Variants in SV2B observed in about 807,000 individuals in gnomAD.
SV2B encodes the protein solute carrier family 22 member B2.
Under a neutral mutation model 73.9 loss-of-function variants are expected in SV2B, and 41 were observed. The ratio of observed to expected loss-of-function variants is 0.56; its 90% confidence interval spans 0.43 to 0.72. SV2B has a LOEUF of 0.72. SV2B is among the 30% of genes least tolerant of loss of function. The pLI is 0.00. For missense variants in SV2B, 764 were observed against 857.8 expected (o/e 0.89, Z 1.37); for synonymous variants, 314 against 314.2 (o/e 1.00, Z 0.01).
At chr15:91,166,403 T>G in intron 1 of SV2B, among the ~76,000 whole-genome samples, 1 of 152,040 alleles carries the variant, frequency 6.6e-6, no homozygotes, top group East Asian at 1.9e-4. Context: ...CACAGTTTGA[T>G]TATAATGTGT....
rs1278594667 is a variant in SV2B, at chr15:91,231,684, A to C, written c.451+4970A>C. The stretch of plus-strand genomic sequence containing the variant: ...GAACTGTGGGCTATTCCCTACCTTC[A>C]TGCCTATAATAGTGAGCTTCACTTT... On this transcript the variant is annotated intron_variant, in intron 2 of 12. Transcript: ENST00000394232. The surrounding 1 kb of genome is among the most constrained non-coding windows in gnomAD (Gnocchi z 4.5). 6.6e-6 allele frequency among the ~76,000 whole-genome samples: 1 copy of C among 152,170 alleles called. No homozygotes were observed. Among genetic ancestry groups the C allele is most frequent in the East Asian group, 1.9e-4 (1 of 5,192 alleles).
At chr15:91,266,348 T>C (rs945118607) in intron 6 of SV2B, among the ~76,000 whole-genome samples, 3 of 152,176 alleles carry the variant, frequency 2.0e-5, no homozygotes, top group African/African-American at 7.2e-5. Context: ...ATATCCTCAG[T>C]CCTTTGGCTG....
chr15:91,187,692 C>T (rs1423557042), intron 1 of SV2B, among the ~76,000 whole-genome samples: 1 of 151,378 alleles, frequency 6.6e-6, no homozygotes, highest in Admixed American at 6.6e-5. Flanking sequence ...CAACATATAC[C>T]ATTGTTTTCC....
At chr15:91,156,874 C>A (rs1297013016) in intron 1 of SV2B, among the ~76,000 whole-genome samples, 1 of 152,224 alleles carries the variant, frequency 6.6e-6, no homozygotes, top group Non-Finnish European at 1.5e-5. Context: ...CAATCTACCT[C>A]CTTTTTGTGG....
At chr15:91,152,291 A>C (rs757281996) in intron 1 of SV2B, among the ~76,000 whole-genome samples, 44 of 152,178 alleles carry the variant, frequency 2.9e-4, no homozygotes, top group Non-Finnish European at 3.2e-4. Flanking sequence ...ACTCACAGCT[A>C]TTCTCTATGA....
intron 1 of SV2B, among the ~76,000 whole-genome samples, chr15:91,126,567 A>G (rs566397353): frequency 1.3e-5 from 2 of 152,352 alleles, no homozygotes; most frequent in Admixed American, 1.3e-4. Flanking sequence ...AAAGAAAACT[A>G]TAGACAAATA....
At chr15:91,183,120 A>T (rs553920888) in intron 1 of SV2B, among the ~76,000 whole-genome samples, 3 of 152,234 alleles carry the variant, frequency 2.0e-5, no homozygotes, top group African/African-American at 7.2e-5. Flanking sequence ...AGTGATTAAC[A>T]TGGGGACTTA....
Position 91,227,276 on chromosome 15 carries a change from C to A in SV2B, c.451+562C>A, listed in dbSNP as rs958173278. On this transcript the variant is annotated intron_variant, in intron 2 of 12. Transcript: ENST00000394232. The surrounding 1 kb of genome is among the most constrained non-coding windows in gnomAD (Gnocchi z 4.5). Reference sequence around the variant, plus strand: ...TGGAGTCCCTGCAGGCTGTTGGGAACCATGCTGTGAAGCACAGATGGATTC... The same window carrying A: ...TGGAGTCCCTGCAGGCTGTTGGGAAACATGCTGTGAAGCACAGATGGATTC... Among the ~76,000 whole-genome samples, 11 of 152,136 alleles carry A rather than the reference C, an allele frequency of 7.2e-5. No individual in the cohort carries two copies. Among genetic ancestry groups the A allele is most frequent in the African/African-American group, 2.7e-4 (11 of 41,430 alleles).
At position 91,132,653 on chromosome 15, in the gene SV2B, G is replaced by A. The variant is rs902169972; in HGVS notation, c.-392+32290G>A. ...CCTTTTGATTTAGTTCTAGGAAGTC[G>A]GTATGAAACATTTAGGTTTTTTGCC... On this transcript the variant is annotated intron_variant, in intron 1 of 12. Transcript: ENST00000394232. The surrounding 1 kb of genome is among the most constrained non-coding windows in gnomAD (Gnocchi z 4.6). Among the ~76,000 whole-genome samples, 3 of 152,070 alleles carry A rather than the reference G, an allele frequency of 2.0e-5. No individual in the cohort carries two copies. The highest frequency in any genetic ancestry group is 4.8e-5 in the African/African-American group (2 of 41,384).
rs113906116 is a variant in SV2B, at chr15:91,265,707, G to A, written c.1009-875G>A. Among the ~76,000 whole-genome samples, 1,120 of 152,330 alleles carry A rather than the reference G, an allele frequency of 7.4e-3. 10 individuals carry two copies. The highest frequency in any genetic ancestry group is 0.025 in the African/African-American group (1,043 of 41,568). ...TCTGAAGCTTCTCTGTCTGACCTCAGGCGGAAGATCATTTGCAAAGGCTGC... is the reference window on the plus strand; with the variant it reads ...TCTGAAGCTTCTCTGTCTGACCTCAAGCGGAAGATCATTTGCAAAGGCTGC... On this transcript the variant is annotated intron_variant, in intron 6 of 12. Transcript: ENST00000394232. This position sits in a 1 kb window ranked among gnomAD's most constrained non-coding sequence, Gnocchi z 4.2.
chr15:91,200,629 G>A (rs8039294), intron 1 of SV2B, among the ~76,000 whole-genome samples: 2 of 152,028 alleles, frequency 1.3e-5, no homozygotes, highest in African/African-American at 4.8e-5. Flanking sequence ...ACTGAAAGCC[G>A]GCTTGGCACG....
chr15:91,287,484 C>T (rs2048898806), intron 11 of SV2B, among the ~76,000 whole-genome samples: 1 of 152,198 alleles, frequency 6.6e-6, no homozygotes, highest in Admixed American at 6.5e-5. Context: ...CCATGTTCTG[C>T]ATCCACCTTG....
Position 91,283,961 on chromosome 15 carries a change from G to C in SV2B, c.1508-60G>C. 6.3e-7 allele frequency: 1 copy of C among 1,578,170 alleles called. No individual in the cohort carries two copies. The highest frequency in any genetic ancestry group is 8.7e-7 in the Non-Finnish European group (1 of 1,149,842). On this transcript the variant is annotated intron_variant, in intron 10 of 12. Transcript: ENST00000394232. The surrounding 1 kb of genome is among the most constrained non-coding windows in gnomAD (Gnocchi z 4.3). The stretch of plus-strand genomic sequence containing the variant: ...GGGGGCAGACTTCATCCCTGCCTCT[G>C]CCTTTCTCTCTCCAGCTCCCTTCCA...
At chr15:91,207,863 A>G (rs1018549659) in intron 1 of SV2B, among the ~76,000 whole-genome samples, 1 of 152,106 alleles carries the variant, frequency 6.6e-6, no homozygotes, top group Non-Finnish European at 1.5e-5. Context: ...CTATGTGACA[A>G]TTCTCCCTCT....
At position 91,252,328 on chromosome 15, in the gene SV2B, G is replaced by A; in HGVS notation, c.633-41G>A. 6.4e-7 allele frequency: 1 copy of A among 1,573,844 alleles called. No individual in the cohort carries two copies. The highest frequency in any genetic ancestry group is 8.6e-7 in the Non-Finnish European group (1 of 1,158,242). ...GGTTTCTGCTGTGACCATTTTTAGT[G>A]TATGACTTGATTCTTTCTCTCTGGC... On this transcript the variant is annotated intron_variant, in intron 3 of 12. Coordinates refer to ENST00000394232, the MANE Select transcript of SV2B (RefSeq NM_001323032.3). This position sits in a 1 kb window ranked among gnomAD's most constrained non-coding sequence, Gnocchi z 4.6.
At position 91,252,347 on chromosome 15, in the gene SV2B, C is replaced by G; in HGVS notation, c.633-22C>G. ...TTTAGTGTATGACTTGATTCTTTCT[C>G]TCTGGCATTTTTCCTTTGCAGTATT... On this transcript the variant is annotated intron_variant, in intron 3 of 12. Transcript: ENST00000394232. This position sits in a 1 kb window ranked among gnomAD's most constrained non-coding sequence, Gnocchi z 4.6. The G allele has an allele frequency of 3.1e-6, 5 of 1,592,984 alleles. No homozygotes were observed. Among genetic ancestry groups the G allele is most frequent in the South Asian group, 1.1e-5 (1 of 88,016 alleles).
rs2047919826 is a variant in SV2B, at chr15:91,261,864, C to T, written c.1008+1455C>T. 1.3e-5 allele frequency among the ~76,000 whole-genome samples: 2 copies of T among 152,184 alleles called. No individual in the cohort carries two copies. The highest frequency in any genetic ancestry group is 2.4e-5 in the African/African-American group (1 of 41,436). ...AGTTACAGAGACGCTGTCTTCCTGC[C>T]TGCCATGCTCTGACAAACCAGGAGG... On this transcript the variant is annotated intron_variant, in intron 6 of 12. Transcript: ENST00000394232. This position sits in a 1 kb window ranked among gnomAD's most constrained non-coding sequence, Gnocchi z 4.7.
chr15:91,247,129 T>C (rs1291170794), intron 2 of SV2B, among the ~76,000 whole-genome samples: 2 of 152,180 alleles, frequency 1.3e-5, no homozygotes, highest in African/African-American at 2.4e-5. Context: ...GAGAAGCTCT[T>C]CTTATTCTCT....
intron 2 of SV2B, among the ~76,000 whole-genome samples, chr15:91,249,651 A>G (rs992460329): frequency 6.6e-6 from 1 of 152,246 alleles, no homozygotes; most frequent in Non-Finnish European, 1.5e-5. Context: ...AGAAGGCTCA[A>G]ATAAAATTAG....
Sources: gnomAD v4.1 joint callset for allele counts (sites outside exome capture counted in the v4.1 genomes callset) on GRCh38, gnomAD v4.1.1 for gene constraint, Gnocchi (gnomAD v3.1) non-coding constraint, MANE v1.5 for transcripts, NCBI Gene and HGNC (gene_info 2026-07-23, HGNC 2026-07-21) for gene names.